PRRX2: variants seen among roughly 807,000 people sequenced by gnomAD.
PRRX2 encodes paired mesoderm homeobox protein 2.
In PRRX2, 11 loss-of-function variants were observed where a neutral mutation model predicts 18.0. The observed-to-expected ratio is 0.61, with a 90% CI of 0.39 to 1.01. The LOEUF is 1.01. PRRX2 is among the 50% of genes least tolerant of loss of function. The pLI is 0.01. For synonymous variants in PRRX2, 177 were observed against 154.8 expected, an observed-to-expected ratio of 1.14 and a Z score of -1.06; for missense variants, 387 against 351.0, an observed-to-expected ratio of 1.10 and a Z score of -0.82.
Position 129,720,691 on chromosome 9 carries a change from GGCC to G in PRRX2, c.547_549del (p.Ala183del). Reference sequence around the variant, plus strand: ...CGCTGCTCAAGTCCTACAGCCAGGAGGCCGCCATCGAGCAGCCCGTGGCTCCCC... The same window carrying G: ...CGCTGCTCAAGTCCTACAGCCAGGAGGCCATCGAGCAGCCCGTGGCTCCCC... On this transcript the variant is annotated inframe_deletion, in exon 3 of 4. Transcript: ENST00000372469. 3 of 1,613,346 alleles carry G rather than the reference GGCC, an allele frequency of 1.9e-6. No individual in the cohort carries two copies. Among genetic ancestry groups the G allele is most frequent in the East Asian group, 2.2e-5 (1 of 44,850 alleles).
At chr9:129,720,912 G>A (rs576554736) in intron 3 of PRRX2, 138 bp downstream of exon 3, 2 of 1,021,258 alleles carry the variant, frequency 2.0e-6, no homozygotes, top group African/African-American at 3.3e-5. Context: ...GGTACACCAA[G>A]TGATGTGTGG....
chr9:129,710,109 G>A (rs976643229), intron 1 of PRRX2, among the ~76,000 whole-genome samples: 3 of 152,218 alleles, frequency 2.0e-5, no homozygotes, highest in African/African-American at 7.2e-5. Context: ...CTTCTTGGAG[G>A]AGGAGGCATC....
intron 1 of PRRX2, among the ~76,000 whole-genome samples, chr9:129,683,039 C>T (rs1389857831): frequency 1.3e-5 from 2 of 151,726 alleles, no homozygotes; most frequent in African/African-American, 4.8e-5. Flanking sequence ...ACCTGGGAGG[C>T]GAAGGTTGCA....
chr9:129,676,986 T>A (rs1397877466), intron 1 of PRRX2, among the ~76,000 whole-genome samples: 1 of 152,178 alleles, frequency 6.6e-6, no homozygotes, highest in Non-Finnish European at 1.5e-5. Flanking sequence ...CCTAAGAGAC[T>A]GTATGTTAAA....
intron 1 of PRRX2, among the ~76,000 whole-genome samples, chr9:129,697,062 G>A (rs1056659904): frequency 1.1e-4 from 17 of 152,252 alleles, no homozygotes; most frequent in Admixed American, 2.0e-4. Flanking sequence ...GGGTTACCGT[G>A]TGTGGAGACA....
chr9:129,690,840 C>T (rs2130918605), intron 1 of PRRX2, among the ~76,000 whole-genome samples: 1 of 151,736 alleles, frequency 6.6e-6, no homozygotes, highest in South Asian at 2.1e-4. Context: ...GGGCTCTACA[C>T]CATGAGGCCA....
chr9:129,683,242 A>T (rs1407372664), intron 1 of PRRX2, among the ~76,000 whole-genome samples: 1 of 152,188 alleles, frequency 6.6e-6, no homozygotes, highest in African/African-American at 2.4e-5. Context: ...CCCTTTTAGG[A>T]AGCCCCCACT....
chr9:129,716,048 C>T (rs893224133), intron 1 of PRRX2, among the ~76,000 whole-genome samples: 2 of 152,110 alleles, frequency 1.3e-5, no homozygotes, highest in Non-Finnish European at 2.9e-5. Context: ...AAATCCAAAG[C>T]TCTTCTGTTG....
chr9:129,693,943 G>C (rs886871429), intron 1 of PRRX2, among the ~76,000 whole-genome samples: 2 of 152,192 alleles, frequency 1.3e-5, no homozygotes, highest in Non-Finnish European at 2.9e-5. Flanking sequence ...CTGTGTCCTT[G>C]GAGGTAGAAA....
At chr9:129,710,100 T>G (rs542268672) in intron 1 of PRRX2, among the ~76,000 whole-genome samples, 1 of 152,194 alleles carries the variant, frequency 6.6e-6, no homozygotes, top group East Asian at 1.9e-4. Flanking sequence ...CCAGGAGGGC[T>G]TCTTGGAGGA....
intron 1 of PRRX2, among the ~76,000 whole-genome samples, chr9:129,713,740 C>T (rs1420705760): frequency 6.6e-6 from 1 of 151,872 alleles, no homozygotes; most frequent in Non-Finnish European, 1.5e-5. Context: ...AAGTGATTCT[C>T]CTGCCTCGGC....
chr9:129,703,615 C>T (rs1055289137), intron 1 of PRRX2, among the ~76,000 whole-genome samples: 11 of 151,990 alleles, frequency 7.2e-5, no homozygotes, highest in African/African-American at 2.2e-4. Flanking sequence ...CATTGTACGA[C>T]GCAGGGCTCC....
intron 1 of PRRX2, among the ~76,000 whole-genome samples, chr9:129,670,234 T>C (rs1832083981): frequency 6.6e-6 from 1 of 151,688 alleles, no homozygotes; most frequent in South Asian, 2.1e-4. Flanking sequence ...CGTTCACCCA[T>C]CTACAGACAC....
chr9:129,716,215 A>G (rs1407350155), intron 1 of PRRX2, among the ~76,000 whole-genome samples: 1 of 152,202 alleles, frequency 6.6e-6, no homozygotes, highest in Non-Finnish European at 1.5e-5. Context: ...TGGCAAAAAT[A>G]GAAAATCATA....
Position 129,671,127 on chromosome 9 carries a change from C to T in PRRX2, c.259+5001C>T, listed in dbSNP as rs1832094957. Reference sequence around the variant, plus strand: ...GGAACCCCATGATGGGCGTGTCTCCCTGGGATGTGGGGTCTCTGAGCCTGG... The same window carrying T: ...GGAACCCCATGATGGGCGTGTCTCCTTGGGATGTGGGGTCTCTGAGCCTGG... On this transcript the variant is annotated intron_variant, in intron 1 of 3. Coordinates refer to ENST00000372469, the MANE Select transcript of PRRX2 (RefSeq NM_016307.4). The surrounding 1 kb of genome is among the most constrained non-coding windows in gnomAD (Gnocchi z 4.0). Among the ~76,000 whole-genome samples, 1 of 152,194 alleles carries T rather than the reference C, an allele frequency of 6.6e-6. No homozygotes were observed. The highest frequency in any genetic ancestry group is 1.5e-5 in the Non-Finnish European group (1 of 68,030).
chr9:129,673,644 C>A (rs1185816431), intron 1 of PRRX2, among the ~76,000 whole-genome samples: 1 of 133,836 alleles, frequency 7.5e-6, no homozygotes, highest in East Asian at 2.0e-4. Flanking sequence ...AGACCCATAC[C>A]CCCCATGCCA....
At chr9:129,679,377 A>G (rs1157779445) in intron 1 of PRRX2, among the ~76,000 whole-genome samples, 2 of 152,146 alleles carry the variant, frequency 1.3e-5, no homozygotes, top group Admixed American at 6.5e-5. Flanking sequence ...GCCCACCTCC[A>G]TCATCGTCGG....
At chr9:129,705,057 G>A (rs916036338) in intron 1 of PRRX2, among the ~76,000 whole-genome samples, 1 of 152,206 alleles carries the variant, frequency 6.6e-6, no homozygotes, top group Non-Finnish European at 1.5e-5. Flanking sequence ...AAAACCAGAC[G>A]GGACAGACAT....
At chr9:129,697,697 A>G (rs1832444384) in intron 1 of PRRX2, among the ~76,000 whole-genome samples, 1 of 151,616 alleles carries the variant, frequency 6.6e-6, no homozygotes, top group Non-Finnish European at 1.5e-5. Flanking sequence ...AAAGCCACCC[A>G]CGAGACGGGT....
Sources: gnomAD v4.1 joint callset for allele counts (sites outside exome capture counted in the v4.1 genomes callset) on GRCh38, gnomAD v4.1.1 for gene constraint, Gnocchi (gnomAD v3.1) non-coding constraint, MANE v1.5 for transcripts, NCBI Gene and HGNC (gene_info 2026-07-23, HGNC 2026-07-21) for gene names.